TIAM1: variants seen among roughly 807,000 people sequenced by gnomAD.
The protein encoded by TIAM1 is rho guanine nucleotide exchange factor TIAM1.
A neutral mutation model predicts 163.5 loss-of-function variants in TIAM1; 65 were observed. The observed-to-expected ratio is 0.40, with a 90% confidence interval of 0.33 to 0.49. The LOEUF is 0.49. Among genes scored for constraint, TIAM1 ranks in the 20% least tolerant of loss-of-function variants. TIAM1 has a pLI of 0.77. For missense variants in TIAM1, 1,789 were observed against 2,044.7 expected, an observed-to-expected ratio of 0.87 and a Z score of 2.41; for synonymous variants, 833 against 810.1, an observed-to-expected ratio of 1.03 and a Z score of -0.48.
intron 1 of TIAM1, among the ~76,000 whole-genome samples, chr21:31,496,936 A>G (rs186463293): frequency 3.2e-4 from 49 of 152,320 alleles, no homozygotes; most frequent in African/African-American, 1.0e-3. Context: ...AGATTCTCAT[A>G]AGGAGCACGC....
intron 9 of TIAM1, among the ~76,000 whole-genome samples, chr21:31,217,227 C>T (rs933956854): frequency 1.3e-5 from 2 of 151,852 alleles, no homozygotes; most frequent in Non-Finnish European, 2.9e-5. Flanking sequence ...AAAGACTGCA[C>T]TCAGGTACCC....
intron 5 of TIAM1, among the ~76,000 whole-genome samples, chr21:31,250,418 C>T (rs1284708308): frequency 1.3e-5 from 2 of 152,204 alleles, no homozygotes; most frequent in Admixed American, 1.3e-4. Flanking sequence ...ATCTGAGCAA[C>T]AGCTGGCACC....
intron 2 of TIAM1, among the ~76,000 whole-genome samples, chr21:31,441,700 C>T (rs771656040): frequency 1.3e-5 from 2 of 151,948 alleles, no homozygotes; most frequent in Non-Finnish European, 2.9e-5. Context: ...CAAGTAAGAT[C>T]TGGAGGTCAC....
At chr21:31,489,698 T>C (rs1254740274) in intron 1 of TIAM1, among the ~76,000 whole-genome samples, 1 of 151,078 alleles carries the variant, frequency 6.6e-6, no homozygotes, top group Non-Finnish European at 1.5e-5. Flanking sequence ...AAGGATCCGG[T>C]CCTGAAGATA....
intron 15 of TIAM1, among the ~76,000 whole-genome samples, chr21:31,176,406 T>G (rs1369890558): frequency 6.6e-6 from 1 of 151,636 alleles, no homozygotes; most frequent in Non-Finnish European, 1.5e-5. Flanking sequence ...CCAATATGTA[T>G]GAAAACAAAT....
intron 12 of TIAM1, among the ~76,000 whole-genome samples, chr21:31,197,379 C>CTTT (rs1258537968): frequency 1.4e-5 from 2 of 142,576 alleles, no homozygotes; most frequent in East Asian, 2.0e-4. Context: ...TTTCTTTTTT[C>CTTT]TTTTTTTTTT....
intron 12 of TIAM1, among the ~76,000 whole-genome samples, chr21:31,196,843 T>A (rs577132011): frequency 6.6e-6 from 1 of 152,190 alleles, no homozygotes; most frequent in Admixed American, 6.5e-5. Context: ...AATCAATCTA[T>A]ATGCCCATCC....
At chr21:31,146,094 A>T (rs2083093148) in intron 20 of TIAM1, among the ~76,000 whole-genome samples, 1 of 152,186 alleles carries the variant, frequency 6.6e-6, no homozygotes, top group Non-Finnish European at 1.5e-5. Context: ...AAAATGACCC[A>T]TCAATTCTGG....
chr21:31,504,167 A>C (rs1020359051), intron 1 of TIAM1, among the ~76,000 whole-genome samples: 8 of 152,200 alleles, frequency 5.3e-5, no homozygotes, highest in African/African-American at 1.9e-4. Flanking sequence ...TGACTTGCTG[A>C]GGACTGACAG....
At chr21:31,207,191 A>G (rs112128438) in intron 11 of TIAM1, among the ~76,000 whole-genome samples, 2 of 152,208 alleles carry the variant, frequency 1.3e-5, no homozygotes, top group African/African-American at 4.8e-5. Flanking sequence ...CTACAGGGCA[A>G]CATGGTTACC....
chr21:31,292,371 C>CT (rs763364996), intron 2 of TIAM1, among the ~76,000 whole-genome samples: 3,252 of 138,774 alleles, frequency 0.023, 72 homozygotes, highest in African/African-American at 0.058. Context: ...TTTCAATTTC[C>CT]TTTTTTTTTT....
Position 31,405,433 on chromosome 21 carries a change from C to T in TIAM1, c.-369+58550G>A, listed in dbSNP as rs1406106345. ...ACCCTGGACCGGTTCCTTTGCTTTG[C>T]TCTGCCACTAATCCCCCTTCCCGAG... On this transcript the variant is annotated intron_variant, in intron 2 of 28. Transcript: ENST00000286827. 3.9e-5 allele frequency among the ~76,000 whole-genome samples: 6 copies of T among 152,216 alleles called. No individual in the cohort carries two copies. The East Asian group carries it at 1.2e-3, about 29-fold the overall frequency.
At chr21:31,548,562 C>T (rs1165118394) in intron 1 of TIAM1, among the ~76,000 whole-genome samples, 2 of 119,046 alleles carry the variant, frequency 1.7e-5, no homozygotes, top group African/African-American at 8.1e-5. Context: ...AATCTCAGCT[C>T]ACTGCAAACT....
At position 31,180,191 on chromosome 21, in the gene TIAM1, C is replaced by T. The variant is rs189503200; in HGVS notation, c.2887+2230G>A. On this transcript the variant is annotated intron_variant, in intron 15 of 27. Coordinates refer to ENST00000541036, the MANE Select transcript of TIAM1 (RefSeq NM_001353694.2). ...AAAGTGCTGGGATTACAGGTGTGAG[C>T]CACTGCGCCCGGTAGACTTTTTTTA... Among the ~76,000 whole-genome samples the T allele has an allele frequency of 1.6e-4, 25 of 152,228 alleles. No homozygotes were observed. In the East Asian group the frequency reaches 4.4e-3, roughly 27 times the overall value.
intron 1 of TIAM1, among the ~76,000 whole-genome samples, chr21:31,464,768 G>A (rs1298928331): frequency 2.0e-5 from 3 of 151,168 alleles, no homozygotes; most frequent in East Asian, 1.9e-4. Flanking sequence ...CCTTGAACTC[G>A]GGAGGCGGAG....
intron 1 of TIAM1, among the ~76,000 whole-genome samples, chr21:31,512,933 G>A (rs761631088): frequency 4.0e-5 from 6 of 151,810 alleles, no homozygotes; most frequent in Non-Finnish European, 8.8e-5. Context: ...CACGACACAC[G>A]GCACCCAGCC....
In TIAM1 at chr21:31,251,884, C is replaced by T. The variant is rs1436455799; in HGVS notation, c.1269G>A (p.Ser423=). The change falls in exon 5 of 28, where the codon TCG becomes TCA. Residue 423 remains serine (S), a synonymous_variant. Transcript: ENST00000541036. ...SSGTLSSPGQ[S]DILLTAAQGT... ...CCTGTGCGGCGGTCAGCAGGATGTC[C>T]GACTGGCCCGGAGAGCTCAGGGTGC... The T allele has an allele frequency of 6.2e-7, 1 of 1,613,830 alleles. No homozygotes were observed. Among genetic ancestry groups the T allele is most frequent in the East Asian group, 2.2e-5 (1 of 44,846 alleles).
intron 2 of TIAM1, among the ~76,000 whole-genome samples, chr21:31,310,177 G>C (rs1007065200): frequency 6.6e-6 from 1 of 152,196 alleles, no homozygotes; most frequent in Non-Finnish European, 1.5e-5. Context: ...TGAAATGTGG[G>C]TGCAAGGAAT....
intron 1 of TIAM1, among the ~76,000 whole-genome samples, chr21:31,547,629 T>C (rs1036700060): frequency 6.6e-6 from 1 of 152,256 alleles, no homozygotes; most frequent in East Asian, 1.9e-4. Flanking sequence ...GTTCAATTGA[T>C]ATAATTGTGG....
Sources: gnomAD v4.1 joint callset for allele counts (sites outside exome capture counted in the v4.1 genomes callset) on GRCh38, gnomAD v4.1.1 for gene constraint, MANE v1.5 for transcripts, NCBI Gene and HGNC (gene_info 2026-07-23, HGNC 2026-07-21) for gene names.